Variants in PDZRN3 observed in about 807,000 individuals in gnomAD.
PDZRN3 encodes the protein E3 ubiquitin-protein ligase PDZRN3.
In PDZRN3, 38 loss-of-function variants were observed where a neutral mutation model predicts 85.7. That is an observed-to-expected ratio of 0.44 (90% CI 0.34 to 0.58). The LOEUF is 0.58. PDZRN3 is among the 20% of genes least tolerant of loss of function. The probability of loss-of-function intolerance (pLI) is 0.01; values close to 1 mark genes in which losing one functional copy is unlikely to be tolerated. For synonymous variants in PDZRN3, 759 were observed against 638.0 expected (o/e 1.19, Z -2.86); for missense variants, 1,629 against 1,506.4 (o/e 1.08, Z -1.35).
intron 7 of PDZRN3, among the ~76,000 whole-genome samples, chr3:73,388,336 G>A (rs766057780): frequency 6.6e-6 from 1 of 152,094 alleles, no homozygotes; most frequent in Non-Finnish European, 1.5e-5. Context: ...AGAAGGGGCT[G>A]GACCTCCAGA....
chr3:73,482,573 C>G (rs928484155), intron 3 of PDZRN3, among the ~76,000 whole-genome samples: 10 of 152,166 alleles, frequency 6.6e-5, no homozygotes, highest in Non-Finnish European at 1.3e-4. Context: ...TGACAGTCTT[C>G]AACTCCATTT....
intron 3 of PDZRN3, among the ~76,000 whole-genome samples, chr3:73,500,734 C>T (rs1283259310): frequency 6.6e-6 from 1 of 152,148 alleles, no homozygotes; most frequent in African/African-American, 2.4e-5. Flanking sequence ...TTTAAACCAC[C>T]TAAAAATTTA....
chr3:73,418,166 T>C (rs935006651), intron 3 of PDZRN3, among the ~76,000 whole-genome samples: 5 of 152,196 alleles, frequency 3.3e-5, no homozygotes, highest in African/African-American at 1.2e-4. Flanking sequence ...AATATGGCCA[T>C]ATTATAATAA....
At chr3:73,550,315 T>C (rs1235392928) in intron 3 of PDZRN3, among the ~76,000 whole-genome samples, 4 of 152,320 alleles carry the variant, frequency 2.6e-5, no homozygotes, top group African/African-American at 9.6e-5. Flanking sequence ...TAACAGGCCC[T>C]TTAGGTCATT....
chr3:73,515,244 C>T (rs899832011), intron 3 of PDZRN3, among the ~76,000 whole-genome samples: 8 of 143,960 alleles, frequency 5.6e-5, no homozygotes, highest in Non-Finnish European at 1.0e-4. Flanking sequence ...GGCGCGATCT[C>T]GGCTCACTGC....
chr3:73,603,888 C>CAT (rs1257915701), intron 2 of PDZRN3, among the ~76,000 whole-genome samples: 2 of 150,196 alleles, frequency 1.3e-5, no homozygotes, highest in Non-Finnish European at 3.0e-5. Context: ...CACACACATA[C>CAT]ACACACACAC....
chr3:73,426,365 T>C (rs182508418), intron 3 of PDZRN3, among the ~76,000 whole-genome samples: 3 of 152,296 alleles, frequency 2.0e-5, no homozygotes, highest in Admixed American at 2.0e-4. Context: ...CTATTTCAGC[T>C]TATTCTTTAT....
intron 3 of PDZRN3, among the ~76,000 whole-genome samples, chr3:73,505,089 TGTGACACCCATGGGAG>T: frequency 6.6e-6 from 1 of 152,322 alleles, no homozygotes; most frequent in Non-Finnish European, 1.5e-5. Flanking sequence ...TCTAAGATAG[TGTGACACCCATGGGAG>T]GTGGCTTGGA....
In PDZRN3 at chr3:73,383,858, A is replaced by G; in HGVS notation, c.2708T>C (p.Val903Ala). 1 of 1,613,684 alleles carries G rather than the reference A, an allele frequency of 6.2e-7. No individual in the cohort carries two copies. The highest frequency in any genetic ancestry group is 8.5e-7 in the Non-Finnish European group (1 of 1,179,966). The change falls in exon 10 of 10, where the codon GTG becomes GCG. Residue 903 changes from valine (V) to alanine (A), a missense_variant. By Grantham distance (64) the Val-to-Ala change is moderately conservative. Transcript: ENST00000263666. ...VEYAQSQMSLVSMCKDLSSPT... is the reference protein window; with the variant it reads ...VEYAQSQMSLASMCKDLSSPT... ...AGAGCTCAGGTCCTTGCACATGCTC[A>G]CCAGGCTCATCTGGCTTTGCGCGTA...
At chr3:73,549,232 A>G (rs1269441711) in intron 3 of PDZRN3, among the ~76,000 whole-genome samples, 1 of 152,250 alleles carries the variant, frequency 6.6e-6, no homozygotes, top group Non-Finnish European at 1.5e-5. Context: ...AATTGCTAAT[A>G]TAACAATGGT....
intron 3 of PDZRN3, among the ~76,000 whole-genome samples, chr3:73,540,410 G>A (rs1704892653): frequency 6.6e-6 from 1 of 152,138 alleles, no homozygotes; most frequent in South Asian, 2.1e-4. Context: ...TTGGACATAT[G>A]TAGTATTTTA....
intron 3 of PDZRN3, among the ~76,000 whole-genome samples, chr3:73,495,922 C>A (rs925395740): frequency 6.6e-6 from 1 of 152,092 alleles, no homozygotes; most frequent in Non-Finnish European, 1.5e-5. Context: ...TACTCAACAT[C>A]GATTTTTTAC....
intron 5 of PDZRN3, among the ~76,000 whole-genome samples, chr3:73,391,910 A>G (rs963355461): frequency 2.0e-5 from 3 of 152,112 alleles, no homozygotes; most frequent in East Asian, 1.9e-4. Flanking sequence ...GGGCCACGTG[A>G]TAAGTTCTCC....
chr3:73,415,618 A>G (rs1702065924), intron 3 of PDZRN3, among the ~76,000 whole-genome samples: 1 of 152,158 alleles, frequency 6.6e-6, no homozygotes. Context: ...TTTCACATTC[A>G]GTACAGTATT....
intron 4 of PDZRN3, chr3:73,401,684 AAC>A (rs1701753090): frequency 6.6e-6 from 1 of 152,270 alleles, no homozygotes; most frequent in Non-Finnish European, 1.5e-5. Context: ...ACATATGCAA[AAC>A]ACAGTCCACA....
In PDZRN3 at chr3:73,531,148, G is replaced by A. The variant is rs556612455; in HGVS notation, c.918+71206C>T. ...TGCCTGTAGTCCCAGCTACTCAGGA[G>A]GCAGAGGCAGGAGAATGGCATGAAC... On this transcript the variant is annotated intron_variant, in intron 3 of 9. Coordinates refer to ENST00000263666, the MANE Select transcript of PDZRN3 (RefSeq NM_015009.3). 1.2e-3 allele frequency among the ~76,000 whole-genome samples: 184 copies of A among 151,848 alleles called. 2 individuals carry two copies. The highest frequency in any genetic ancestry group is 4.4e-3 in the African/African-American group (181 of 41,338).
chr3:73,443,231 C>A (rs1702677749), intron 3 of PDZRN3, among the ~76,000 whole-genome samples: 1 of 152,190 alleles, frequency 6.6e-6, no homozygotes, highest in African/African-American at 2.4e-5. Flanking sequence ...CCCCTACCCT[C>A]CTGAAGCTGC....
At chr3:73,569,411 A>T in intron 3 of PDZRN3, 1 of 1,157,958 alleles carries the variant, frequency 8.6e-7, no homozygotes, top group Non-Finnish European at 1.1e-6. Context: ...ACAAGAGTAC[A>T]TATTTCCTGT....
At chr3:73,554,542 A>G (rs1245773474) in intron 3 of PDZRN3, among the ~76,000 whole-genome samples, 1 of 152,172 alleles carries the variant, frequency 6.6e-6, no homozygotes, top group African/African-American at 2.4e-5. Flanking sequence ...AACAAACCAT[A>G]ATGTACGTTC....
Sources: gnomAD v4.1 joint callset for allele counts (sites outside exome capture counted in the v4.1 genomes callset) on GRCh38, gnomAD v4.1.1 for gene constraint, MANE v1.5 for transcripts, NCBI Gene and HGNC (gene_info 2026-07-23, HGNC 2026-07-21) for gene names.